RBPMS: variants seen among roughly 807,000 people sequenced by gnomAD.
The protein encoded by RBPMS is RNA binding protein, mRNA processing factor.
In RBPMS, 7 loss-of-function variants were observed where a neutral mutation model predicts 26.8. The observed-to-expected ratio is 0.26, with a 90% CI of 0.15 to 0.49. The LOEUF (loss-of-function observed/expected upper bound fraction) is 0.49, where lower values mean the gene tolerates loss of function less well. Ranked by LOEUF, RBPMS falls within the 20% of genes least tolerant of loss-of-function variation. The pLI is 0.98. For synonymous variants in RBPMS, 96 were observed against 93.3 expected (o/e 1.03, Z -0.17); for missense variants, 186 against 250.0 (o/e 0.74, Z 1.73).
intron 5 of RBPMS, among the ~76,000 whole-genome samples, chr8:30,520,433 T>C (rs1175987752): frequency 6.6e-6 from 1 of 152,116 alleles, no homozygotes. Context: ...GGGGTTTCAG[T>C]ATACCGCAGT....
At position 30,571,029 on chromosome 8, in the gene RBPMS, A is replaced by T. The variant is rs1197441180; in HGVS notation, c.*504A>T. The T allele has an allele frequency of 6.6e-6, 1 of 152,142 alleles. No homozygotes were observed. The highest frequency in any genetic ancestry group is 1.5e-5 in the Non-Finnish European group (1 of 68,028). 9.4% of individuals were successfully genotyped at this position (152,142 alleles called of 1,614,324 possible). A position where few individuals can be genotyped will look rare whatever the true frequency, so the allele number is the denominator to read the frequency against. On this transcript the variant is annotated 3_prime_UTR_variant, in exon 9 of 9. Transcript: ENST00000397323. ...GCATGTTTGAGGCATGTTTCCAAAT[A>T]TTATCAAAATATCCTGAATTGTATT...
At chr8:30,421,113 A>G (rs1244593760) in intron 1 of RBPMS, among the ~76,000 whole-genome samples, 1 of 152,148 alleles carries the variant, frequency 6.6e-6, no homozygotes, top group Non-Finnish European at 1.5e-5. Flanking sequence ...TAGAATTTGT[A>G]TGTAATTACT....
intron 1 of RBPMS, among the ~76,000 whole-genome samples, chr8:30,419,174 A>C (rs1810447515): frequency 6.6e-6 from 1 of 152,026 alleles, no homozygotes; most frequent in Non-Finnish European, 1.5e-5. Context: ...GGCTGGGCGC[A>C]ATGGCTCAGG....
At chr8:30,564,945 A>G (rs1383513799) in intron 7 of RBPMS, 1 of 152,026 alleles carries the variant, frequency 6.6e-6, no homozygotes, top group African/African-American at 2.4e-5. Context: ...CAGTACTTGT[A>G]TGAGTCGCAC....
chr8:30,459,294 G>GT (rs971047065), intron 1 of RBPMS, among the ~76,000 whole-genome samples: 22 of 149,852 alleles, frequency 1.5e-4, no homozygotes, highest in South Asian at 4.4e-4. Context: ...GTTTTTTTTT[G>GT]TTTTTTGTTT....
intron 6 of RBPMS, among the ~76,000 whole-genome samples, chr8:30,558,016 G>A (rs533181608): frequency 4.3e-4 from 66 of 152,250 alleles, no homozygotes; most frequent in African/African-American, 1.5e-3. Flanking sequence ...AGGCATGCAT[G>A]CCCACGCCCA....
chr8:30,517,412 T>A (rs1822464659), intron 5 of RBPMS, among the ~76,000 whole-genome samples: 1 of 152,168 alleles, frequency 6.6e-6, no homozygotes, highest in Admixed American at 6.5e-5. Flanking sequence ...TATACTGAGA[T>A]ACAGTGGAGG....
chr8:30,515,072 A>G (rs1192350154), intron 5 of RBPMS, among the ~76,000 whole-genome samples: 1 of 152,050 alleles, frequency 6.6e-6, no homozygotes, highest in Non-Finnish European at 1.5e-5. Context: ...CCCAGGGTCA[A>G]ACGATCCTCT....
chr8:30,550,101 T>C (rs947476794), intron 6 of RBPMS, among the ~76,000 whole-genome samples: 6 of 152,248 alleles, frequency 3.9e-5, no homozygotes, highest in South Asian at 2.1e-4. Flanking sequence ...CTGCCCGCCT[T>C]GGCCTCCCAA....
At chr8:30,527,078 CTATT>C (rs1318677185) in intron 5 of RBPMS, among the ~76,000 whole-genome samples, 2 of 152,220 alleles carry the variant, frequency 1.3e-5, no homozygotes, top group Non-Finnish European at 2.9e-5. Context: ...CTCTCCACCT[CTATT>C]TATTTCCAGC....
chr8:30,510,723 G>A (rs528155681), intron 5 of RBPMS, among the ~76,000 whole-genome samples: 1 of 152,000 alleles, frequency 6.6e-6, no homozygotes, highest in East Asian at 1.9e-4. Flanking sequence ...GGGACTACAG[G>A]TGCATGCCAC....
Position 30,423,348 on chromosome 8 carries a change from C to T in RBPMS, c.66+38190C>T, listed in dbSNP as rs539313372. On this transcript the variant is annotated intron_variant, in intron 1 of 8. Coordinates refer to ENST00000397323, the MANE Select transcript of RBPMS (RefSeq NM_001008710.3). ...CACCAGTTCTGCTTTTGCTTGAAGACCTGTCTGGCAGGGCTTGGCACCTCT... is the reference window on the plus strand; with the variant it reads ...CACCAGTTCTGCTTTTGCTTGAAGATCTGTCTGGCAGGGCTTGGCACCTCT... Among the ~76,000 whole-genome samples the T allele has an allele frequency of 4.6e-5, 7 of 152,314 alleles. 1 individual carries two copies. Among genetic ancestry groups the T allele is most frequent in the African/African-American group, 9.6e-5 (4 of 41,566 alleles).
At position 30,385,139 on chromosome 8, in the gene RBPMS, C is replaced by A; in HGVS notation, c.47C>A (p.Ala16Asp). 1 of 1,524,976 alleles carries A rather than the reference C, an allele frequency of 6.6e-7. No individual in the cohort carries two copies. 94.5% of individuals were successfully genotyped at this position (1,524,976 alleles called of 1,614,324 possible). ...KAEKENTPSE[A>D]NLQEEEVRTL... is the part of the protein sequence containing the mutation. ...GAGAAGGAGAACACCCCGAGCGAGG[C>A]CAACCTTCAGGAGGAGGAGGTACTG... Residue 16 changes from alanine (A) to aspartate (D), a missense_variant, in exon 1 of 9, where the codon GCC (alanine) becomes GAC (aspartate). Physicochemically the swap from Ala to Asp is moderately radical, Grantham distance 126 (BLOSUM62 -2). This residue lies in a region of RBPMS where 38 missense variants were observed against 27.8 expected (regional missense o/e 1.37). Coordinates refer to ENST00000397323, the MANE Select transcript of RBPMS (RefSeq NM_001008710.3).
At chr8:30,423,628 TTGG>T (rs1302932735) in intron 1 of RBPMS, among the ~76,000 whole-genome samples, 1 of 151,432 alleles carries the variant, frequency 6.6e-6, no homozygotes, top group Non-Finnish European at 1.5e-5. Context: ...GCAGGGTGAA[TTGG>T]TGGGGAGGAA....
intron 6 of RBPMS, chr8:30,555,871 T>G: frequency 3.0e-6 from 3 of 985,370 alleles, no homozygotes; most frequent in Non-Finnish European, 3.6e-6. Context: ...CTCTCCTCAT[T>G]ACCCCCACAC....
intron 6 of RBPMS, chr8:30,547,154 C>T (rs1106352): frequency 0.24 from 157,445 of 656,104 alleles, 20,282 homozygotes; most frequent in South Asian, 0.4. Context: ...GGAGCCTCTA[C>T]GGGGCATCTC....
intron 5 of RBPMS, among the ~76,000 whole-genome samples, chr8:30,530,020 G>A (rs1276478230): frequency 6.6e-6 from 1 of 152,154 alleles, no homozygotes; most frequent in African/African-American, 2.4e-5. Flanking sequence ...CTCCCAAAGT[G>A]CTGGGATTAC....
chr8:30,556,237 A>T (rs1482873601), intron 6 of RBPMS: 1 of 984,964 alleles, frequency 1.0e-6, no homozygotes, highest in Non-Finnish European at 1.2e-6. Context: ...TGGCGTCCTC[A>T]CTCCTCAGCT....
chr8:30,436,665 G>A (rs1039894525), intron 1 of RBPMS, among the ~76,000 whole-genome samples: 6 of 152,274 alleles, frequency 3.9e-5, no homozygotes, highest in East Asian at 1.9e-4. Flanking sequence ...CTCAGCACAC[G>A]TCACTTTGTT....
Sources: gnomAD v4.1 joint callset for allele counts (sites outside exome capture counted in the v4.1 genomes callset) on GRCh38, gnomAD v4.1.1 for gene constraint, gnomAD v4.1.1 regional missense constraint, MANE v1.5 for transcripts, NCBI Gene and HGNC (gene_info 2026-07-23, HGNC 2026-07-21) for gene names.